GPC5: variants seen among roughly 807,000 people sequenced by gnomAD.
The protein encoded by GPC5 is glypican-5.
In GPC5, 47 loss-of-function variants were observed where a neutral mutation model predicts 53.9. The observed-to-expected ratio is 0.87, with a 90% CI of 0.69 to 1.11. The LOEUF is 1.11. Ranked by LOEUF, GPC5 falls within the 50% of genes most tolerant of loss-of-function variation. The pLI, the probability that GPC5 is intolerant of heterozygous loss-of-function variation, is 0.00. For missense variants in GPC5, 748 were observed against 713.1 expected (o/e 1.05, Z -0.56); for synonymous variants, 286 against 263.3 (o/e 1.09, Z -0.84).
chr13:92,642,961 T>G (rs1885642948), intron 7 of GPC5, among the ~76,000 whole-genome samples: 2 of 152,200 alleles, frequency 1.3e-5, no homozygotes, highest in Admixed American at 6.5e-5. Context: ...ATATACATGT[T>G]TCTGGCTCTT....
intron 2 of GPC5, among the ~76,000 whole-genome samples, chr13:91,561,495 T>A (rs1213598397): frequency 6.6e-6 from 1 of 152,178 alleles, no homozygotes; most frequent in Non-Finnish European, 1.5e-5. Context: ...TTACAATAAC[T>A]GTTAGTAACT....
In GPC5 at chr13:92,107,466, G is replaced by T. The variant is rs954580251; in HGVS notation, c.1402-37364G>T. Among the ~76,000 whole-genome samples, 4 of 151,934 alleles carry T rather than the reference G, an allele frequency of 2.6e-5. No individual in the cohort carries two copies. In the South Asian group the frequency reaches 8.3e-4, roughly 31 times the overall value. On this transcript the variant is annotated intron_variant, in intron 6 of 7. Transcript: ENST00000377067. ...ACTTGAAAGAGTTCTTAATAACCCT[G>T]CAGACTTACTTCCAGAATAATGTAA...
intron 7 of GPC5, among the ~76,000 whole-genome samples, chr13:92,425,394 T>C (rs1309443633): frequency 6.6e-6 from 1 of 152,054 alleles, no homozygotes; most frequent in Non-Finnish European, 1.5e-5. Flanking sequence ...GTTTCTAACA[T>C]TTATTGATTG....
At chr13:92,453,141 T>C (rs1878132335) in intron 7 of GPC5, among the ~76,000 whole-genome samples, 2 of 152,134 alleles carry the variant, frequency 1.3e-5, no homozygotes, top group South Asian at 4.1e-4. Context: ...TCTAGAATAA[T>C]ATGTAAAGGA....
intron 7 of GPC5, among the ~76,000 whole-genome samples, chr13:92,487,453 C>G (rs1879596873): frequency 6.6e-6 from 1 of 152,116 alleles, no homozygotes; most frequent in Admixed American, 6.5e-5. Flanking sequence ...AAAGGCATGT[C>G]ATGATGTACC....
At chr13:92,665,017 A>T in intron 7 of GPC5, among the ~76,000 whole-genome samples, 1 of 151,940 alleles carries the variant, frequency 6.6e-6, no homozygotes, top group East Asian at 1.9e-4. Flanking sequence ...TGTTACAAAA[A>T]AAACAGTAGA....
At chr13:92,480,609 G>T (rs1879311260) in intron 7 of GPC5, among the ~76,000 whole-genome samples, 2 of 152,150 alleles carry the variant, frequency 1.3e-5, no homozygotes, top group African/African-American at 4.8e-5. Flanking sequence ...TAGTCTCATG[G>T]TCGCAAGATG....
intron 5 of GPC5, among the ~76,000 whole-genome samples, chr13:91,853,698 G>A (rs1448345611): frequency 6.6e-6 from 1 of 151,906 alleles, no homozygotes; most frequent in Non-Finnish European, 1.5e-5. Context: ...AACTTAAAAG[G>A]ATCTTACAGT....
chr13:92,548,025 G>C (rs71427581), intron 7 of GPC5, among the ~76,000 whole-genome samples: 141 of 146,466 alleles, frequency 9.6e-4, no homozygotes, highest in African/African-American at 3.5e-3. Flanking sequence ...ATTTTTAGTA[G>C]AGACGGGGTT....
intron 3 of GPC5, among the ~76,000 whole-genome samples, chr13:91,721,642 C>T (rs1044510997): frequency 2.1e-4 from 32 of 152,140 alleles, no homozygotes; most frequent in Non-Finnish European, 4.0e-4. Context: ...TTGCCTCATC[C>T]CCCTAGGCTC....
chr13:91,827,104 T>C (rs1451149355), intron 5 of GPC5, among the ~76,000 whole-genome samples: 2 of 151,926 alleles, frequency 1.3e-5, no homozygotes, highest in Non-Finnish European at 2.9e-5. Context: ...AAATAAATGA[T>C]AAATGCTTGT....
At chr13:92,221,435 T>C (rs1444863351) in intron 7 of GPC5, among the ~76,000 whole-genome samples, 1 of 152,128 alleles carries the variant, frequency 6.6e-6, no homozygotes, top group Admixed American at 6.5e-5. Flanking sequence ...ATTTATTAGT[T>C]TGGGCTCTGG....
intron 7 of GPC5, among the ~76,000 whole-genome samples, chr13:92,417,946 A>G (rs2139358114): frequency 6.6e-6 from 1 of 152,324 alleles, no homozygotes; most frequent in Non-Finnish European, 1.5e-5. Flanking sequence ...ACAAAATGTA[A>G]TATAATCATA....
At chr13:92,168,272 G>A (rs2042045564) in intron 7 of GPC5, among the ~76,000 whole-genome samples, 1 of 152,096 alleles carries the variant, frequency 6.6e-6, no homozygotes, top group African/African-American at 2.4e-5. Context: ...CAGGACATAG[G>A]CACTGGCAAA....
At chr13:92,332,514 C>A (rs984752466) in intron 7 of GPC5, among the ~76,000 whole-genome samples, 5 of 152,006 alleles carry the variant, frequency 3.3e-5, no homozygotes, top group African/African-American at 9.7e-5. Context: ...TTAGTTTTCA[C>A]AATTATAAAA....
At chr13:91,953,139 C>G (rs1263159570) in intron 6 of GPC5, among the ~76,000 whole-genome samples, 1 of 152,116 alleles carries the variant, frequency 6.6e-6, no homozygotes, top group East Asian at 1.9e-4. Flanking sequence ...AGATTTATGG[C>G]TTACATGGCA....
At chr13:91,877,387 G>T in intron 5 of GPC5, among the ~76,000 whole-genome samples, 1 of 152,320 alleles carries the variant, frequency 6.6e-6, no homozygotes. Flanking sequence ...AGCCACAGGG[G>T]CAGAGCTGCC....
chr13:91,649,916 AT>A (rs993940733), intron 2 of GPC5, among the ~76,000 whole-genome samples: 1 of 152,152 alleles, frequency 6.6e-6, no homozygotes, highest in Non-Finnish European at 1.5e-5. Flanking sequence ...AAATACATAG[AT>A]TTTTTTAAAA....
intron 5 of GPC5, among the ~76,000 whole-genome samples, chr13:91,778,918 A>G (rs1301752692): frequency 6.6e-6 from 1 of 152,234 alleles, no homozygotes; most frequent in Non-Finnish European, 1.5e-5. Flanking sequence ...CTAGGCTACA[A>G]ATCTTTGCAG....
Sources: allele counts gnomAD v4.1 joint callset (sites outside exome capture counted in the v4.1 genomes callset), GRCh38; gene constraint gnomAD v4.1.1; transcripts MANE v1.5; gene names NCBI Gene and HGNC (gene_info 2026-07-23, HGNC 2026-07-21).